Variants in CNTNAP2 observed in about 807,000 individuals in gnomAD.
CNTNAP2 encodes the protein contactin associated protein 2.
A neutral mutation model predicts 155.2 loss-of-function variants in CNTNAP2; 98 were observed. The observed-to-expected ratio is 0.63, with a 90% confidence interval of 0.54 to 0.75. The LOEUF (loss-of-function observed/expected upper bound fraction) is 0.75. Among genes scored for constraint, CNTNAP2 ranks in the 30% least tolerant of loss-of-function variants. The pLI is 0.00. For missense variants in CNTNAP2, 1,727 were observed against 1,688.1 expected, an observed-to-expected ratio of 1.02 and a Z score of -0.40; for synonymous variants, 651 against 631.2, an observed-to-expected ratio of 1.03 and a Z score of -0.47.
chr7:147,272,798 C>T lies in CNTNAP2; in HGVS notation c.1349-27343C>T, dbSNP rs565858048. On this transcript the variant is annotated intron_variant, in intron 8 of 23. Coordinates refer to ENST00000361727, the MANE Select transcript of CNTNAP2 (RefSeq NM_014141.6). ...CTGGGATTACAGGCGTGAGCCACTG[C>T]GCCTGGCCATGTATTCCAGTTTCTT... Among the ~76,000 whole-genome samples, 24 of 151,998 alleles carry T rather than the reference C, an allele frequency of 1.6e-4. No individual in the cohort carries two copies. In the South Asian group the frequency reaches 2.3e-3, roughly 14 times the overall value.
At chr7:146,146,197 A>T (rs1796340951) in intron 1 of CNTNAP2, among the ~76,000 whole-genome samples, 1 of 152,128 alleles carries the variant, frequency 6.6e-6, no homozygotes, top group Admixed American at 6.5e-5. Context: ...AATTGAAAAT[A>T]TTTTTTACAC....
intron 9 of CNTNAP2, among the ~76,000 whole-genome samples, chr7:147,364,718 G>A (rs1346587103): frequency 1.3e-5 from 2 of 152,022 alleles, no homozygotes; most frequent in African/African-American, 2.4e-5. Flanking sequence ...GAATGGTGGC[G>A]GGCACCTGTA....
At chr7:148,078,138 A>C (rs894943844) in intron 15 of CNTNAP2, among the ~76,000 whole-genome samples, 6 of 151,938 alleles carry the variant, frequency 3.9e-5, no homozygotes, top group Non-Finnish European at 7.4e-5. Flanking sequence ...ATCTCAGCTC[A>C]CTGCAACCTC....
At chr7:148,121,674 T>C (rs1268155793) in intron 16 of CNTNAP2, among the ~76,000 whole-genome samples, 1 of 152,186 alleles carries the variant, frequency 6.6e-6, no homozygotes, top group African/African-American at 2.4e-5. Flanking sequence ...ATTAATTACA[T>C]TGTGCCCTTC....
intron 1 of CNTNAP2, among the ~76,000 whole-genome samples, chr7:146,157,596 A>C (rs76323650): frequency 5.9e-5 from 9 of 152,136 alleles, no homozygotes; most frequent in African/African-American, 2.2e-4. Flanking sequence ...TATCCCGTGC[A>C]TGGCTTGGAG....
At chr7:147,802,532 G>A (rs576185423) in intron 13 of CNTNAP2, among the ~76,000 whole-genome samples, 4,909 of 152,208 alleles carry the variant, frequency 0.032, 134 homozygotes, top group Non-Finnish European at 0.051. Flanking sequence ...CTGGCACCTC[G>A]GGAGGCCGAG....
Position 148,416,139 on chromosome 7 carries a change from A to AG in CNTNAP2, c.*527dup, listed in dbSNP as rs1289916531. 1 of 157,620 alleles carries AG rather than the reference A, an allele frequency of 6.3e-6. No individual in the cohort carries two copies. Among genetic ancestry groups the AG allele is most frequent in the Non-Finnish European group, 1.4e-5 (1 of 71,372 alleles). The allele number at this position is 157,620 out of a possible 1,614,324, so 9.8% of individuals were successfully genotyped here. A position where few individuals can be genotyped will look rare whatever the true frequency, so the allele number is the denominator to read the frequency against. ...TGATGTCCTATAAGTCGGAAAAGAAAGGGGCAAAGAGAACCTATTATTTGC... is the reference window on the plus strand; with the variant it reads ...TGATGTCCTATAAGTCGGAAAAGAAAGGGGGCAAAGAGAACCTATTATTTGC... On this transcript the variant is annotated 3_prime_UTR_variant, in exon 24 of 24. Transcript: ENST00000361727.
At chr7:147,217,588 A>T (rs909837452) in intron 8 of CNTNAP2, among the ~76,000 whole-genome samples, 2 of 151,914 alleles carry the variant, frequency 1.3e-5, no homozygotes, top group Non-Finnish European at 2.9e-5. Context: ...ATCTATATTT[A>T]TAGGAGGTAT....
chr7:147,516,618 A>ATGTGTGTGTG (rs10681580), intron 11 of CNTNAP2, among the ~76,000 whole-genome samples: 1 of 149,828 alleles, frequency 6.7e-6, no homozygotes, highest in African/African-American at 2.4e-5. Flanking sequence ...GAGAGAGAGA[A>ATGTGTGTGTG]TGTGTGTGTG....
chr7:147,444,004 A>T (rs1357872540), intron 10 of CNTNAP2, among the ~76,000 whole-genome samples: 4 of 152,028 alleles, frequency 2.6e-5, no homozygotes, highest in Non-Finnish European at 5.9e-5. Context: ...CACCATTCAC[A>T]TTTTCTATTC....
intron 8 of CNTNAP2, among the ~76,000 whole-genome samples, chr7:147,238,449 A>G (rs1803864557): frequency 6.6e-6 from 1 of 151,948 alleles, no homozygotes; most frequent in Non-Finnish European, 1.5e-5. Flanking sequence ...GATATCCTCT[A>G]GTTGCTTTAA....
At chr7:148,145,217 T>A (rs1194522611) in intron 16 of CNTNAP2, among the ~76,000 whole-genome samples, 1 of 152,198 alleles carries the variant, frequency 6.6e-6, no homozygotes, top group East Asian at 1.9e-4. Flanking sequence ...TGAGTCCCTC[T>A]TACTGTATCC....
At chr7:146,356,052 T>TACACACACAC (rs68125550) in intron 1 of CNTNAP2, among the ~76,000 whole-genome samples, 4 of 144,094 alleles carry the variant, frequency 2.8e-5, no homozygotes, top group Non-Finnish European at 4.7e-5. Flanking sequence ...TACATACGAA[T>TACACACACAC]ACACACACAC....
intron 1 of CNTNAP2, among the ~76,000 whole-genome samples, chr7:146,709,580 A>G (rs1399387121): frequency 6.6e-6 from 1 of 152,194 alleles, no homozygotes; most frequent in African/African-American, 2.4e-5. Flanking sequence ...CTGTTGCTGA[A>G]TAACAAAGAG....
chr7:146,647,450 CATAAT>C lies in CNTNAP2; in HGVS notation c.98-126813_98-126809del, dbSNP rs537138388. On this transcript the variant is annotated intron_variant, in intron 1 of 23. Coordinates refer to ENST00000361727, the MANE Select transcript of CNTNAP2 (RefSeq NM_014141.6). ...TGTTAAAAAAACAAATAACTGAAAA[CATAAT>C]ATAATATTCAAACTTCTCTTGTTTG... 1.9e-4 allele frequency among the ~76,000 whole-genome samples: 29 copies of C among 152,130 alleles called. No homozygotes were observed. The South Asian group carries it at 4.8e-3, about 25-fold the overall frequency.
At chr7:147,884,816 A>G (rs1403348370) in intron 13 of CNTNAP2, among the ~76,000 whole-genome samples, 1 of 152,188 alleles carries the variant, frequency 6.6e-6, no homozygotes, top group Non-Finnish European at 1.5e-5. Flanking sequence ...TGCTTGTGCC[A>G]TCGAGAAAGG....
At chr7:148,406,784 A>ACATT (rs1473826978) in intron 22 of CNTNAP2, among the ~76,000 whole-genome samples, 8 of 152,256 alleles carry the variant, frequency 5.3e-5, no homozygotes, top group Non-Finnish European at 1.2e-4. Context: ...GGAATTGTAT[A>ACATT]CATTCATAAC....
intron 1 of CNTNAP2, among the ~76,000 whole-genome samples, chr7:146,601,933 T>A (rs1798956796): frequency 6.6e-6 from 1 of 152,008 alleles, no homozygotes; most frequent in Non-Finnish European, 1.5e-5. Flanking sequence ...AGAGTGAATA[T>A]AATTTTAAAG....
intron 1 of CNTNAP2, among the ~76,000 whole-genome samples, chr7:146,494,898 T>A (rs529807840): frequency 6.6e-6 from 1 of 152,212 alleles, no homozygotes; most frequent in Non-Finnish European, 1.5e-5. Context: ...TAGGAATATG[T>A]TCCAAATCTA....
Sources: allele counts gnomAD v4.1 joint callset (sites outside exome capture counted in the v4.1 genomes callset), GRCh38; gene constraint gnomAD v4.1.1; transcripts MANE v1.5; gene names NCBI Gene and HGNC (gene_info 2026-07-23, HGNC 2026-07-21).